The following LRRC4C variants were observed in gnomAD, a reference collection of about 807,000 sequenced individuals.
The protein encoded by LRRC4C is leucine-rich repeat-containing protein 4C.
LRRC4C carries 5 observed loss-of-function variants against 33.6 expected under a neutral mutation model. The observed-to-expected ratio is 0.15, with a 90% CI of 0.08 to 0.31. The LOEUF (loss-of-function observed/expected upper bound fraction) is 0.31. LRRC4C is among the 10% of genes least tolerant of loss of function. The probability of loss-of-function intolerance (pLI) is 1.00; values close to 1 mark genes in which losing one functional copy is unlikely to be tolerated. For synonymous variants in LRRC4C, 329 were observed against 302.0 expected (o/e 1.09, Z -0.93); for missense variants, 560 against 796.7 (o/e 0.70, Z 3.58).
chr11:40,437,198 T>C (rs1457653683), intron 3 of LRRC4C, among the ~76,000 whole-genome samples: 1 of 152,124 alleles, frequency 6.6e-6, no homozygotes, highest in Non-Finnish European at 1.5e-5. Flanking sequence ...TTTTTCTCAC[T>C]ATATTAAGTG....
At chr11:40,540,156 A>G (rs1956645277) in intron 3 of LRRC4C, among the ~76,000 whole-genome samples, 2 of 152,216 alleles carry the variant, frequency 1.3e-5, no homozygotes, top group African/African-American at 2.4e-5. Context: ...TCTACTATTC[A>G]GTGCTTTGAA....
At chr11:41,261,446 A>G (rs1211612809) in intron 1 of LRRC4C, among the ~76,000 whole-genome samples, 1 of 152,134 alleles carries the variant, frequency 6.6e-6, no homozygotes, top group East Asian at 1.9e-4. Context: ...GGAATAGCAA[A>G]TGGGAAATAG....
At chr11:40,662,725 G>A (rs572228478) in intron 2 of LRRC4C, among the ~76,000 whole-genome samples, 129 of 152,306 alleles carry the variant, frequency 8.5e-4, no homozygotes, top group Non-Finnish European at 1.9e-4. Flanking sequence ...TCAAATCCTA[G>A]TTCTGTCATT....
intron 5 of LRRC4C, among the ~76,000 whole-genome samples, chr11:40,142,460 G>A (rs1857438568): frequency 6.6e-6 from 1 of 152,008 alleles, no homozygotes; most frequent in Admixed American, 6.6e-5. Flanking sequence ...GTGTAGAGAG[G>A]CAAAGAAAAG....
intron 1 of LRRC4C, among the ~76,000 whole-genome samples, chr11:41,419,874 T>C (rs1954815842): frequency 6.6e-6 from 1 of 151,894 alleles, no homozygotes; most frequent in Admixed American, 6.6e-5. Flanking sequence ...CCTGCCATAC[T>C]ATGAAACTCC....
intron 3 of LRRC4C, among the ~76,000 whole-genome samples, chr11:40,353,530 A>C (rs1357968918): frequency 1.3e-5 from 2 of 152,160 alleles, no homozygotes; most frequent in Non-Finnish European, 2.9e-5. Flanking sequence ...CATCCTGGCC[A>C]ACATGGCAAA....
At chr11:40,935,187 G>T (rs1486390367) in intron 1 of LRRC4C, among the ~76,000 whole-genome samples, 1 of 152,104 alleles carries the variant, frequency 6.6e-6, no homozygotes, top group Non-Finnish European at 1.5e-5. Context: ...TTCAAAACAG[G>T]TATGTAGTAG....
chr11:40,424,036 G>A (rs930836246), intron 3 of LRRC4C, among the ~76,000 whole-genome samples: 1 of 152,046 alleles, frequency 6.6e-6, no homozygotes, highest in Non-Finnish European at 1.5e-5. Flanking sequence ...TTACCAGGGG[G>A]ATAAAATTGA....
intron 2 of LRRC4C, among the ~76,000 whole-genome samples, chr11:40,742,034 GA>G (rs943885158): frequency 2.0e-5 from 3 of 151,868 alleles, no homozygotes; most frequent in African/African-American, 7.2e-5. Flanking sequence ...CAGAAAAGTA[GA>G]AAAAAATCTA....
chr11:41,357,794 G>A (rs1047263788), intron 1 of LRRC4C, among the ~76,000 whole-genome samples: 2 of 152,096 alleles, frequency 1.3e-5, no homozygotes, highest in African/African-American at 4.8e-5. Context: ...TATAAAGAGA[G>A]AGAATGGGAA....
At chr11:40,434,620 G>A (rs1258704648) in intron 3 of LRRC4C, among the ~76,000 whole-genome samples, 4 of 150,600 alleles carry the variant, frequency 2.7e-5, no homozygotes, top group Admixed American at 2.0e-4. Context: ...AATCAGGTGG[G>A]GAAAAAATGC....
At chr11:41,327,116 T>C (rs1951146351) in intron 1 of LRRC4C, among the ~76,000 whole-genome samples, 1 of 152,196 alleles carries the variant, frequency 6.6e-6, no homozygotes, top group Non-Finnish European at 1.5e-5. Context: ...GTATAGCTCA[T>C]TAAATCCCAT....
chr11:40,299,748 AC>A (rs919731899), intron 4 of LRRC4C, among the ~76,000 whole-genome samples: 15 of 152,314 alleles, frequency 9.8e-5, no homozygotes, highest in African/African-American at 3.1e-4. Flanking sequence ...TGAACTGTCC[AC>A]TTGGTTGGGG....
At chr11:40,682,308 G>A (rs1183757158) in intron 2 of LRRC4C, among the ~76,000 whole-genome samples, 1 of 150,604 alleles carries the variant, frequency 6.6e-6, no homozygotes, top group African/African-American at 2.4e-5. Flanking sequence ...CACTGTGCTA[G>A]AAAAGGGGTA....
chr11:40,914,079 C>T (rs1477921821), intron 2 of LRRC4C, among the ~76,000 whole-genome samples: 1 of 152,050 alleles, frequency 6.6e-6, no homozygotes, highest in Non-Finnish European at 1.5e-5. Context: ...AAAAAAAGTC[C>T]AGGACCAGAT....
chr11:40,946,637 A>T (rs1168588645), intron 1 of LRRC4C, among the ~76,000 whole-genome samples: 1 of 152,288 alleles, frequency 6.6e-6, no homozygotes, highest in South Asian at 2.1e-4. Flanking sequence ...ACTAATAGCC[A>T]TTCTGACTGC....
chr11:40,586,453 T>A (rs1419502724), intron 3 of LRRC4C, among the ~76,000 whole-genome samples: 1 of 148,946 alleles, frequency 6.7e-6, no homozygotes. Flanking sequence ...TAGTTTCTTT[T>A]GCTGTGCAGA....
rs761448443 is a variant in LRRC4C at position 41,250,765 on chromosome 11, C to T, written c.-496+208666G>A. On this transcript the variant is annotated intron_variant, in intron 1 of 6. Transcript: ENST00000528697. ...AATGGCTCTGCTAAATTGAACTTGACGTGGTTCAAAATGCAAGCCAATCTG... is the reference window on the plus strand; with the variant it reads ...AATGGCTCTGCTAAATTGAACTTGATGTGGTTCAAAATGCAAGCCAATCTG... Among the ~76,000 whole-genome samples, 31 of 152,242 alleles carry T rather than the reference C, an allele frequency of 2.0e-4. No homozygotes were observed. In the Middle Eastern group the frequency reaches 0.01, roughly 50 times the overall value.
chr11:40,593,874 A>T (rs987455698), intron 3 of LRRC4C, among the ~76,000 whole-genome samples: 15 of 152,226 alleles, frequency 9.9e-5, no homozygotes, highest in Non-Finnish European at 1.9e-4. Flanking sequence ...TTAAAAATTT[A>T]AAATAACTCA....
Sources: gnomAD v4.1 joint callset for allele counts (sites outside exome capture counted in the v4.1 genomes callset) on GRCh38, gnomAD v4.1.1 for gene constraint, MANE v1.5 for transcripts, NCBI Gene and HGNC (gene_info 2026-07-23, HGNC 2026-07-21) for gene names.